Variants in KIF13B observed in about 807,000 individuals in gnomAD.
KIF13B encodes kinesin family member 13B.
In KIF13B, 127 loss-of-function variants were observed where a neutral mutation model predicts 222.0. The observed-to-expected ratio is 0.57, with a 90% confidence interval of 0.50 to 0.66. The LOEUF is 0.66. Among genes scored for constraint, KIF13B ranks in the 30% least tolerant of loss-of-function variants. KIF13B has a pLI of 0.00. For missense variants in KIF13B, 2,173 were observed against 2,379.0 expected (o/e 0.91, Z 1.80); for synonymous variants, 976 against 919.0 (o/e 1.06, Z -1.12).
chr8:29,113,561 G>A lies in KIF13B; in HGVS notation c.3838-6C>T, dbSNP rs1471405210. 6 of 1,539,536 alleles carry A rather than the reference G, an allele frequency of 3.9e-6. No individual in the cohort carries two copies. On this transcript the variant is annotated splice_region_variant and splice_polypyrimidine_tract_variant and intron_variant, in intron 31 of 39. Coordinates refer to ENST00000524189, the MANE Select transcript of KIF13B (RefSeq NM_015254.4). Reference sequence around the variant, plus strand: ...AGGAGACTCTGTGCAAAACCCTAGAGAAAAACAAAATAGAAGATATGGTTT... The same window carrying A: ...AGGAGACTCTGTGCAAAACCCTAGAAAAAAACAAAATAGAAGATATGGTTT...
chr8:29,143,366 T>C (rs964297586), intron 18 of KIF13B, among the ~76,000 whole-genome samples: 1 of 152,188 alleles, frequency 6.6e-6, no homozygotes, highest in African/African-American at 2.4e-5. Flanking sequence ...TCAGGGGGTA[T>C]AAAACATGAA....
rs777597128 is a variant in KIF13B at position 29,123,326 on chromosome 8, G to A, written c.3479+40C>T. ...TCAAGCTAAAAGCAAGTGGCTTGGTGAGCGTTCAGACCTCACAAGACGCAC... is the reference window on the plus strand; with the variant it reads ...TCAAGCTAAAAGCAAGTGGCTTGGTAAGCGTTCAGACCTCACAAGACGCAC... On this transcript the variant is annotated intron_variant, in intron 28 of 39. Transcript: ENST00000524189. 6.2e-6 allele frequency: 10 copies of A among 1,602,450 alleles called. No homozygotes were observed. In the Admixed American group the frequency reaches 1.5e-4, roughly 24 times the overall value.
At chr8:29,085,705 CTTTTTTTTTTT>C (rs71222589) in intron 37 of KIF13B, among the ~76,000 whole-genome samples, 7 of 48,722 alleles carry the variant, frequency 1.4e-4, no homozygotes, top group Admixed American at 9.3e-4. Context: ...AAATACTCTT[CTTTTTTTTTTT>C]TTTTTTTTTT....
chr8:29,193,251 C>A (rs187052534), intron 3 of KIF13B, among the ~76,000 whole-genome samples: 71 of 152,262 alleles, frequency 4.7e-4, no homozygotes, highest in African/African-American at 1.5e-3. Flanking sequence ...CACTGCTCAC[C>A]CTCCATGTTT....
chr8:29,262,975 C>G lies in KIF13B; in HGVS notation c.55+5G>C. On this transcript the variant is annotated splice_donor_5th_base_variant and intron_variant, in intron 1 of 39. Transcript: ENST00000524189. ...CCCGGCGGCCCAGGAGGGCTCGGCTCTCACCTCGCCGGTTCATGGGTCGTA... is the reference window on the plus strand; with the variant it reads ...CCCGGCGGCCCAGGAGGGCTCGGCTGTCACCTCGCCGGTTCATGGGTCGTA... The G allele has an allele frequency of 1.3e-6, 2 of 1,588,976 alleles. No individual in the cohort carries two copies.
In KIF13B at chr8:29,123,348, G is replaced by C. The variant is rs775245607; in HGVS notation, c.3479+18C>G. Reference sequence around the variant, plus strand: ...GGTGAGCGTTCAGACCTCACAAGACGCACCACAGGGTTCATACCATTCTGC... The same window carrying C: ...GGTGAGCGTTCAGACCTCACAAGACCCACCACAGGGTTCATACCATTCTGC... On this transcript the variant is annotated intron_variant, in intron 28 of 39. Coordinates refer to ENST00000524189, the MANE Select transcript of KIF13B (RefSeq NM_015254.4). The C allele has an allele frequency of 6.2e-7, 1 of 1,612,776 alleles. No individual in the cohort carries two copies. The highest frequency in any genetic ancestry group is 8.5e-7 in the Non-Finnish European group (1 of 1,179,754).
intron 36 of KIF13B, among the ~76,000 whole-genome samples, chr8:29,093,824 T>C (rs536839190): frequency 5.5e-4 from 83 of 151,782 alleles, no homozygotes; most frequent in Non-Finnish European, 1.0e-3. Flanking sequence ...AGCAAAGAGA[T>C]GGCTATACCG....
At chr8:29,244,114 C>T (rs932735510) in intron 2 of KIF13B, among the ~76,000 whole-genome samples, 2 of 151,930 alleles carry the variant, frequency 1.3e-5, no homozygotes, top group Admixed American at 6.6e-5. Context: ...CCCAGGTTCA[C>T]GCCATTCTCC....
At chr8:29,176,031 C>T (rs753488652) in intron 10 of KIF13B, 37 bp downstream of exon 10, 1 of 1,270,940 alleles carries the variant, frequency 7.9e-7, no homozygotes, top group Non-Finnish European at 1.1e-6. Context: ...TGCCAACCAC[C>T]AAAAGTATGC....
rs182280232 is a variant in KIF13B, at chr8:29,077,993, A to G, written c.4459-2650T>C. Among the ~76,000 whole-genome samples, 155 of 152,126 alleles carry G rather than the reference A, an allele frequency of 1.0e-3. 1 individual carries two copies. The highest frequency in any genetic ancestry group is 1.0e-4 in the Non-Finnish European group (7 of 67,998). On this transcript the variant is annotated intron_variant, in intron 37 of 39. Coordinates refer to ENST00000524189, the MANE Select transcript of KIF13B (RefSeq NM_015254.4). ...ACAGTGGAGTGGAAGCTTCAAAAGC[A>G]GAGAGGAGGCCAGGCACGGTGGTTC... is the stretch of plus-strand genomic sequence containing the variant.
chr8:29,159,240 T>G (rs1434158121), intron 13 of KIF13B, among the ~76,000 whole-genome samples: 2 of 152,148 alleles, frequency 1.3e-5, no homozygotes, highest in Non-Finnish European at 2.9e-5. Context: ...AACCTCCACC[T>G]CTTAGGTTCA....
rs190236420 is a variant in KIF13B at position 29,193,276 on chromosome 8, C to T, written c.163-2219G>A. Among the ~76,000 whole-genome samples, 397 of 152,208 alleles carry T rather than the reference C, an allele frequency of 2.6e-3. 2 individuals carry two copies. The highest frequency in any genetic ancestry group is 8.3e-3 in the South Asian group (40 of 4,812). On this transcript the variant is annotated intron_variant, in intron 3 of 39. Coordinates refer to ENST00000524189, the MANE Select transcript of KIF13B (RefSeq NM_015254.4). The stretch of plus-strand genomic sequence containing the variant: ...CCTCCATGTTTTTCCAAAGCTAAAA[C>T]GTATATCTATCAGCAGTGGTGGCTC...
intron 35 of KIF13B, among the ~76,000 whole-genome samples, chr8:29,106,185 G>C (rs1809059048): frequency 6.6e-6 from 1 of 152,128 alleles, no homozygotes; most frequent in African/African-American, 2.4e-5. Flanking sequence ...CCTATCACTG[G>C]CAGAGTACAA....
Position 29,233,217 on chromosome 8 carries a change from G to A in KIF13B, c.149+12129C>T, listed in dbSNP as rs1431656233. ...ATTCCATCTTGGTTCTTCAAATCCT[G>A]TTCCCACTGTTTATCCACAAACCCT... On this transcript the variant is annotated intron_variant, in intron 2 of 39. Coordinates refer to ENST00000524189, the MANE Select transcript of KIF13B (RefSeq NM_015254.4). 4.6e-5 allele frequency among the ~76,000 whole-genome samples: 7 copies of A among 152,232 alleles called. No individual in the cohort carries two copies. The East Asian group carries it at 1.4e-3, about 29-fold the overall frequency.
At chr8:29,257,771 C>T (rs1053617012) in intron 1 of KIF13B, among the ~76,000 whole-genome samples, 3 of 151,974 alleles carry the variant, frequency 2.0e-5, no homozygotes, top group Non-Finnish European at 4.4e-5. Context: ...ATGATCATGC[C>T]ACTGCACTCC....
At chr8:29,263,155 G>A, upstream of KIF13B, 2 of 817,876 alleles carry the variant, frequency 2.4e-6, no homozygotes, top group Non-Finnish European at 3.7e-6. Context: ...GGCTGGGGGC[G>A]GGGCCGGCGC....
chr8:29,130,393 A>G (rs1810292311), intron 24 of KIF13B, 140 bp downstream of exon 24: 3 of 877,470 alleles, frequency 3.4e-6, no homozygotes, highest in Non-Finnish European at 5.4e-6. Context: ...TACTTGTGAC[A>G]TGAGATAGGA....
intron 2 of KIF13B, among the ~76,000 whole-genome samples, chr8:29,233,509 T>C (rs1815376378): frequency 6.6e-6 from 1 of 152,244 alleles, no homozygotes; most frequent in Non-Finnish European, 1.5e-5. Flanking sequence ...TGTTCTAAAA[T>C]TGCGGTGAGT....
At chr8:29,192,580 T>A (rs1813234716) in intron 3 of KIF13B, among the ~76,000 whole-genome samples, 1 of 152,190 alleles carries the variant, frequency 6.6e-6, no homozygotes, top group Non-Finnish European at 1.5e-5. Context: ...ATTACATGAT[T>A]CGCACATTCT....
Sources: gnomAD v4.1 joint callset for allele counts (sites outside exome capture counted in the v4.1 genomes callset) on GRCh38, gnomAD v4.1.1 for gene constraint, MANE v1.5 for transcripts, NCBI Gene and HGNC (gene_info 2026-07-23, HGNC 2026-07-21) for gene names.